Variants in CYFIP1 observed in about 807,000 individuals in gnomAD.
The protein encoded by CYFIP1 is cytoplasmic FMR1-interacting protein 1.
CYFIP1 carries 58 observed loss-of-function variants against 163.5 expected under a neutral mutation model. The ratio of observed to expected loss-of-function variants is 0.35; its 90% CI spans 0.29 to 0.44. The LOEUF (loss-of-function observed/expected upper bound fraction) is 0.44, where lower values mean the gene tolerates loss of function less well. Ranked by LOEUF, CYFIP1 falls within the 20% of genes least tolerant of loss-of-function variation. The pLI, the probability that CYFIP1 is intolerant of heterozygous loss-of-function variation, is 1.00. For missense variants in CYFIP1, 1,338 were observed against 1,653.8 expected (o/e 0.81, Z 3.31); for synonymous variants, 663 against 660.7 (o/e 1.00, Z -0.05).
At position 22,869,935 on chromosome 15, in the gene CYFIP1, A is replaced by G. The variant is rs1224570541; in HGVS notation, c.*93T>C. 5 of 1,229,190 alleles carry G rather than the reference A, an allele frequency of 4.1e-6. No homozygotes were observed. The highest frequency in any genetic ancestry group is 5.4e-6 in the Non-Finnish European group (5 of 921,966). 76.1% of individuals were successfully genotyped at this position (1,229,190 alleles called of 1,614,324 possible). ...GAAAAGCACCCCCTTTAACAGGTACAGAGATACTGAAAAATAGTCCCTAAA... is the reference window on the plus strand; with the variant it reads ...GAAAAGCACCCCCTTTAACAGGTACGGAGATACTGAAAAATAGTCCCTAAA... On this transcript the variant is annotated 3_prime_UTR_variant, in exon 31 of 31. Transcript: ENST00000617928.
rs187674589 is a variant in CYFIP1, at chr15:22,936,947, G to A, written c.900+157C>T. ...CACAGGGCAAAAGGAAAGAGAAAGC[G>A]CGGTCACCTCTGCAGACGGGAGAAC... is the stretch of plus-strand genomic sequence containing the variant. On this transcript the variant is annotated intron_variant, in intron 9 of 30. Transcript: ENST00000617928. Among the ~76,000 whole-genome samples, 5 of 152,232 alleles carry A rather than the reference G, an allele frequency of 3.3e-5. No individual in the cohort carries two copies. The East Asian group carries it at 5.8e-4, about 18-fold the overall frequency.
intron 6 of CYFIP1, among the ~76,000 whole-genome samples, chr15:22,940,156 A>G (rs1467094278): frequency 1.3e-5 from 2 of 152,206 alleles, no homozygotes; most frequent in Non-Finnish European, 2.9e-5. Flanking sequence ...GTCCCGCAAG[A>G]AAGTTCAGTG....
At position 22,948,504 on chromosome 15, in the gene CYFIP1, T is replaced by C. The variant is rs140865590; in HGVS notation, c.-6-1213A>G. ...AAATATCAACATCCTCCTAGGATTT[T>C]AACAAGACCCAGATCTCATATCATA... On this transcript the variant is annotated intron_variant, in intron 1 of 30. Transcript: ENST00000617928. 3.3e-5 allele frequency among the ~76,000 whole-genome samples: 5 copies of C among 152,322 alleles called. No homozygotes were observed. The East Asian group carries it at 9.6e-4, about 29-fold the overall frequency.
At chr15:22,932,652 T>A (rs1335074042) in intron 10 of CYFIP1, among the ~76,000 whole-genome samples, 1 of 152,220 alleles carries the variant, frequency 6.6e-6, no homozygotes, top group East Asian at 1.9e-4. Context: ...TTGGCAAAAG[T>A]CAATGAAAGC....
rs1348727249 is a variant in CYFIP1, at chr15:22,916,997, C to T, written c.1675-367G>A. On this transcript the variant is annotated intron_variant, in intron 15 of 30. Coordinates refer to ENST00000617928, the MANE Select transcript of CYFIP1 (RefSeq NM_014608.6). Reference sequence around the variant, plus strand: ...GCTGCCTGAGCAGCTCGGCAGAGCCCAAGGACTCGGCCATGGTGCGCACCA... The same window carrying T: ...GCTGCCTGAGCAGCTCGGCAGAGCCTAAGGACTCGGCCATGGTGCGCACCA... The T allele has an allele frequency of 5.2e-6, 8 of 1,550,894 alleles. No individual in the cohort carries two copies. In the East Asian group the frequency reaches 2.0e-4, roughly 38 times the overall value.
At chr15:22,951,717 G>A (rs1410115188) in intron 1 of CYFIP1, among the ~76,000 whole-genome samples, 3 of 152,166 alleles carry the variant, frequency 2.0e-5, no homozygotes, top group Non-Finnish European at 2.9e-5. Context: ...CCCTGACCCC[G>A]CGCAGCACCC....
intron 1 of CYFIP1, among the ~76,000 whole-genome samples, chr15:22,954,904 A>G (rs1192060740): frequency 6.6e-6 from 1 of 152,136 alleles, no homozygotes; most frequent in Admixed American, 6.5e-5. Context: ...TGAGTGTCTC[A>G]TGGGTCGGGA....
intron 22 of CYFIP1, among the ~76,000 whole-genome samples, chr15:22,898,005 T>C (rs1457784833): frequency 6.6e-6 from 1 of 152,166 alleles, no homozygotes; most frequent in Non-Finnish European, 1.5e-5. Context: ...TTCCCCAAGT[T>C]CCAGTTTGTC....
rs371889506 is a variant in CYFIP1, at chr15:22,979,976, G to A, written c.-7+311C>T. ...CGGAATCCGGGATCCGGGGGCGCGA[G>A]GCGGTGAACGCGGGGGCGGGGAGCT... is the stretch of plus-strand genomic sequence containing the variant. On this transcript the variant is annotated intron_variant, in intron 1 of 30. Coordinates refer to ENST00000617928, the MANE Select transcript of CYFIP1 (RefSeq NM_014608.6). Among the ~76,000 whole-genome samples, 23 of 152,294 alleles carry A rather than the reference G, an allele frequency of 1.5e-4. No individual in the cohort carries two copies. In the East Asian group the frequency reaches 2.7e-3, roughly 18 times the overall value.
intron 9 of CYFIP1, among the ~76,000 whole-genome samples, chr15:22,934,311 C>CG (rs765402061): frequency 6.7e-6 from 1 of 149,020 alleles, no homozygotes; most frequent in Non-Finnish European, 1.5e-5. Flanking sequence ...CTCAGGCTCC[C>CG]GAGTAGCTGG....
chr15:22,873,399 A>C, intron 29 of CYFIP1, 92 bp downstream of exon 29: 1 of 1,067,764 alleles, frequency 9.4e-7, no homozygotes, highest in Non-Finnish European at 1.4e-6. Context: ...CTTCCTGAGC[A>C]TGGCTGGCTG....
At chr15:22,977,612 C>T (rs1301988464) in intron 1 of CYFIP1, among the ~76,000 whole-genome samples, 2 of 152,114 alleles carry the variant, frequency 1.3e-5, no homozygotes, top group Non-Finnish European at 2.9e-5. Flanking sequence ...GGGTGGATCA[C>T]CTGAGGTCAG....
chr15:22,907,642 C>A (rs1421189414), intron 21 of CYFIP1, among the ~76,000 whole-genome samples: 1 of 152,226 alleles, frequency 6.6e-6, no homozygotes. Context: ...CACCAATGAC[C>A]ACGCACTGGA....
intron 18 of CYFIP1, among the ~76,000 whole-genome samples, chr15:22,911,700 C>A (rs145919067): frequency 2.6e-5 from 4 of 152,298 alleles, no homozygotes; most frequent in African/African-American, 9.6e-5. Context: ...CCCTGAAGCA[C>A]CATTTTCAGG....
At position 22,932,329 on chromosome 15, in the gene CYFIP1, G is replaced by A. The variant is rs776345671; in HGVS notation, c.1004C>T (p.Thr335Ile). 1.4e-5 allele frequency: 22 copies of A among 1,606,104 alleles called. 1 individual carries two copies. The South Asian group carries it at 2.5e-4, about 18-fold the overall frequency. The change falls in exon 11 of 31, where the codon ACA becomes ATA. Residue 335 changes from threonine to isoleucine, a missense_variant. By Grantham distance (89) the Thr-to-Ile change is moderately conservative (BLOSUM62 -1). Around this residue, in one of 4 missense-constraint regions of CYFIP1, gnomAD observed 824 missense variants for 995.7 expected, o/e 0.83. Transcript: ENST00000617928. Reference protein sequence around the residue: ...YEENKSRWTCTSSGSSPQYNI... With the variant: ...YEENKSRWTCISSGSSPQYNI... ...GTACTGAGGGCTGCTGCCGGAGGAT[G>A]TGCACGTCCATCTGTGCAGAGAGAA...
intron 21 of CYFIP1, chr15:22,904,421 G>C (rs934747105): frequency 5.7e-6 from 1 of 174,414 alleles, no homozygotes; most frequent in Non-Finnish European, 1.2e-5. Flanking sequence ...CGATGTGGCA[G>C]CCGGGGCCGG....
intron 22 of CYFIP1, among the ~76,000 whole-genome samples, chr15:22,896,772 T>C (rs1480625559): frequency 1.4e-5 from 2 of 145,920 alleles, no homozygotes; most frequent in Non-Finnish European, 3.1e-5. Flanking sequence ...ATCTCTGTCA[T>C]TTCTGCGTCT....
chr15:22,972,458 A>G (rs2063135129), intron 1 of CYFIP1, among the ~76,000 whole-genome samples: 1 of 152,156 alleles, frequency 6.6e-6, no homozygotes, highest in African/African-American at 2.4e-5. Context: ...AAAACAAAAA[A>G]AACTACAGAG....
Position 22,869,989 on chromosome 15 carries a change from A to G in CYFIP1, c.*39T>C. On this transcript the variant is annotated 3_prime_UTR_variant, in exon 31 of 31. Coordinates refer to ENST00000617928, the MANE Select transcript of CYFIP1 (RefSeq NM_014608.6). ...CTCACTAAATAGTTTACGGAGAGAA[A>G]GGCATGCCATGTTGAGTTACGGAGT... is the stretch of plus-strand genomic sequence containing the variant. 6.6e-7 allele frequency: 1 copy of G among 1,525,498 alleles called. No individual in the cohort carries two copies. Among genetic ancestry groups the G allele is most frequent in the Non-Finnish European group, 8.8e-7 (1 of 1,140,140 alleles). The allele number at this position is 1,525,498 out of a possible 1,614,324, so 94.5% of individuals were successfully genotyped here.
Sources: gnomAD v4.1 joint callset for allele counts (sites outside exome capture counted in the v4.1 genomes callset) on GRCh38, gnomAD v4.1.1 for gene constraint, gnomAD v4.1.1 regional missense constraint, MANE v1.5 for transcripts, NCBI Gene and HGNC (gene_info 2026-07-23, HGNC 2026-07-21) for gene names.